GXYLT2: variants seen among roughly 807,000 people sequenced by gnomAD.
GXYLT2 encodes the protein glycosyltransferase 8 domain containing 4.
GXYLT2 carries 53 observed loss-of-function variants against 45.8 expected under a neutral mutation model. That is an observed-to-expected ratio of 1.16 (90% CI 0.93 to 1.46). The LOEUF is 1.46. GXYLT2 is among the 40% of genes most tolerant of loss of function. The probability of loss-of-function intolerance (pLI) is 0.00; values close to 1 mark genes in which losing one functional copy is unlikely to be tolerated. For missense variants in GXYLT2, 551 were observed against 544.4 expected (o/e 1.01, Z -0.12); for synonymous variants, 219 against 214.2 (o/e 1.02, Z -0.19).
Position 72,912,017 on chromosome 3 carries a change from T to A in GXYLT2, c.468+3458T>A, listed in dbSNP as rs533589012. Reference sequence around the variant, plus strand: ...TGTATATATATATATATATATATTTTTTTTTTTTTTTGAGACAGCGTCTCG... The same window carrying A: ...TGTATATATATATATATATATATTTATTTTTTTTTTTGAGACAGCGTCTCG... On this transcript the variant is annotated intron_variant, in intron 2 of 6. Coordinates refer to ENST00000389617, the MANE Select transcript of GXYLT2 (RefSeq NM_001080393.2). 3.4e-3 allele frequency among the ~76,000 whole-genome samples: 468 copies of A among 136,554 alleles called. 4 individuals carry two copies. In the Middle Eastern group the frequency reaches 0.034, roughly 10 times the overall value. The allele number at this position is 136,554 out of a possible 152,430, so 89.6% of individuals were successfully genotyped here.
intron 5 of GXYLT2, among the ~76,000 whole-genome samples, chr3:72,963,064 C>T (rs1032580832): frequency 1.7e-4 from 26 of 151,908 alleles, no homozygotes; most frequent in Non-Finnish European, 2.9e-4. Context: ...GTAATCTCAA[C>T]GCTTTAGGAG....
intron 3 of GXYLT2, among the ~76,000 whole-genome samples, chr3:72,944,155 A>G (rs961283673): frequency 6.6e-6 from 1 of 150,452 alleles, no homozygotes; most frequent in Non-Finnish European, 1.5e-5. Flanking sequence ...TAGTGTGATC[A>G]TAGTTCACTG....
intron 5 of GXYLT2, among the ~76,000 whole-genome samples, chr3:72,964,609 T>C (rs1420512980): frequency 1.3e-5 from 2 of 152,152 alleles, no homozygotes; most frequent in Non-Finnish European, 2.9e-5. Flanking sequence ...GCGTGAGCCA[T>C]TGCACCCAGC....
chr3:72,927,428 G>A (rs370942644), intron 3 of GXYLT2, among the ~76,000 whole-genome samples: 32 of 152,166 alleles, frequency 2.1e-4, no homozygotes, highest in African/African-American at 6.0e-4. Context: ...TAAAGAGACC[G>A]GTAACTGGTT....
intron 3 of GXYLT2, among the ~76,000 whole-genome samples, chr3:72,938,992 C>T (rs1404460973): frequency 6.6e-6 from 1 of 152,202 alleles, no homozygotes; most frequent in Non-Finnish European, 1.5e-5. Context: ...TTGGTACACC[C>T]TGCTCTTTGT....
At chr3:72,908,676 A>C in intron 2 of GXYLT2, 117 bp downstream of exon 2, 2 of 821,826 alleles carry the variant, frequency 2.4e-6, no homozygotes, top group South Asian at 1.8e-5. Flanking sequence ...GTGACTTTGA[A>C]CACTTGACTC....
intron 1 of GXYLT2, among the ~76,000 whole-genome samples, chr3:72,896,911 T>C (rs553033292): frequency 6.6e-6 from 1 of 152,284 alleles, no homozygotes; most frequent in South Asian, 2.1e-4. Flanking sequence ...AGGTAGAATG[T>C]TGACACATAA....
intron 3 of GXYLT2, among the ~76,000 whole-genome samples, chr3:72,934,298 C>G (rs1441294981): frequency 6.6e-6 from 1 of 151,900 alleles, no homozygotes; most frequent in African/African-American, 2.4e-5. Context: ...ATTGCCCTGG[C>G]TGGTCTTAAA....
At chr3:72,940,918 A>G (rs777248158) in intron 3 of GXYLT2, among the ~76,000 whole-genome samples, 35 of 152,136 alleles carry the variant, frequency 2.3e-4, no homozygotes, top group Admixed American at 6.6e-4. Flanking sequence ...GGCCTCAAGC[A>G]ATACTCCCAC....
chr3:72,903,223 A>T (rs997610599), intron 1 of GXYLT2, among the ~76,000 whole-genome samples: 6 of 152,190 alleles, frequency 3.9e-5, no homozygotes, highest in African/African-American at 1.4e-4. Flanking sequence ...ATTAGGAGGC[A>T]ATAGGTCTTA....
chr3:72,966,458 C>CTTTTTTTTT (rs10662974), intron 5 of GXYLT2, among the ~76,000 whole-genome samples: 22 of 101,604 alleles, frequency 2.2e-4, no homozygotes, highest in Admixed American at 6.5e-4. Context: ...TTGTGTGTAT[C>CTTTTTTTTT]TTTTTTTTTT....
chr3:72,932,139 G>A (rs1006894546), intron 3 of GXYLT2, among the ~76,000 whole-genome samples: 8 of 149,680 alleles, frequency 5.3e-5, no homozygotes, highest in Admixed American at 2.7e-4. Context: ...ACCAACCTCC[G>A]CCTTCTGGGT....
intron 4 of GXYLT2, 148 bp downstream of exon 4, chr3:72,955,497 T>G: frequency 1.5e-6 from 1 of 681,578 alleles, no homozygotes. Context: ...ATTTAGAAAA[T>G]TATAGAATAT....
chr3:72,889,868 CT>C (rs5850086), intron 1 of GXYLT2, among the ~76,000 whole-genome samples: 67,555 of 148,834 alleles, frequency 0.45, 18,263 homozygotes, highest in African/African-American at 0.76. Flanking sequence ...ACACCATAAC[CT>C]TCCCCCCCAC....
chr3:72,933,793 T>TG (rs1348809256), intron 3 of GXYLT2, among the ~76,000 whole-genome samples: 8 of 152,068 alleles, frequency 5.3e-5, no homozygotes, highest in Non-Finnish European at 1.0e-4. Context: ...CCCAGCAGCC[T>TG]GGGGGGGCCG....
At chr3:72,899,692 G>A (rs936357407) in intron 1 of GXYLT2, among the ~76,000 whole-genome samples, 3 of 152,048 alleles carry the variant, frequency 2.0e-5, no homozygotes, top group Admixed American at 1.3e-4. Flanking sequence ...TCTTCTAGGG[G>A]CCATATCAAG....
At chr3:72,927,026 C>T (rs1709931730) in intron 3 of GXYLT2, 1 of 152,278 alleles carries the variant, frequency 6.6e-6, no homozygotes, top group African/African-American at 2.4e-5. Context: ...CAGCGTCAAC[C>T]TCCTGGGCTC....
intron 5 of GXYLT2, 114 bp from the exon 6 acceptor site, chr3:72,967,433 G>C (rs3732443): frequency 0.057 from 45,572 of 797,204 alleles, 3,421 homozygotes; most frequent in East Asian, 0.36. Context: ...TCACACTCCT[G>C]TACTTTGAAA....
chr3:72,964,153 C>G (rs1373759548), intron 5 of GXYLT2, among the ~76,000 whole-genome samples: 3 of 151,972 alleles, frequency 2.0e-5, no homozygotes, highest in African/African-American at 7.2e-5. Flanking sequence ...AAATGTTTTT[C>G]TAACTTACCA....
Sources: gnomAD v4.1 joint callset for allele counts (sites outside exome capture counted in the v4.1 genomes callset) on GRCh38, gnomAD v4.1.1 for gene constraint, MANE v1.5 for transcripts, NCBI Gene and HGNC (gene_info 2026-07-23, HGNC 2026-07-21) for gene names.